The following DENND10 variants were observed in gnomAD, a reference collection of about 807,000 sequenced individuals.
DENND10 encodes DENN domain-containing protein 10.
A neutral mutation model predicts 43.6 loss-of-function variants in DENND10; 24 were observed. The observed-to-expected ratio is 0.55, with a 90% CI of 0.40 to 0.77. The LOEUF (loss-of-function observed/expected upper bound fraction) is 0.77. Among genes scored for constraint, DENND10 ranks in the 30% least tolerant of loss-of-function variants. The probability of loss-of-function intolerance (pLI) is 0.00; values close to 1 mark genes in which losing one functional copy is unlikely to be tolerated. For missense variants in DENND10, 303 were observed against 429.9 expected (o/e 0.70, Z 2.61); for synonymous variants, 125 against 157.6 (o/e 0.79, Z 1.55).
At chr10:119,107,888 C>T in intron 1 of DENND10, 80 bp from the exon 2 acceptor site, 1 of 1,304,842 alleles carries the variant, frequency 7.7e-7, no homozygotes, top group East Asian at 2.3e-5. Context: ...ACTGATTCCA[C>T]TAAGTGTTTC....
chr10:119,113,493 A>C (rs1845082099), intron 3 of DENND10, among the ~76,000 whole-genome samples: 1 of 109,776 alleles, frequency 9.1e-6, no homozygotes, highest in Non-Finnish European at 2.1e-5. Context: ...CACTGCACCT[A>C]GCCCTTTAAA....
At chr10:119,106,864 G>T (rs1359735481) in intron 1 of DENND10, among the ~76,000 whole-genome samples, 1 of 151,912 alleles carries the variant, frequency 6.6e-6, no homozygotes, top group African/African-American at 2.4e-5. Flanking sequence ...GACCAATGTG[G>T]AGAAACCAAA....
intron 1 of DENND10, chr10:119,105,437 C>A: frequency 1.4e-6 from 1 of 710,308 alleles, no homozygotes; most frequent in South Asian, 2.0e-5. Flanking sequence ...CAGGCGTGCA[C>A]CACCACCCGA....
intron 8 of DENND10, 29 bp from the exon 9 acceptor site, chr10:119,136,442 G>T (rs758530959): frequency 1.3e-6 from 2 of 1,584,108 alleles, no homozygotes; most frequent in East Asian, 4.5e-5. Flanking sequence ...ATACTAACAT[G>T]TTGCATATAT....
At position 119,137,839 on chromosome 10, in the gene DENND10, G is replaced by GA. The variant is rs1426778788; in HGVS notation, c.*1196dup. 1 of 165,706 alleles carries GA rather than the reference G, an allele frequency of 6.0e-6. No individual in the cohort carries two copies. Among genetic ancestry groups the GA allele is most frequent in the Non-Finnish European group, 1.5e-5 (1 of 67,854 alleles). The allele number at this position is 165,706 out of a possible 1,614,324, so 10.3% of individuals were successfully genotyped here. The stretch of plus-strand genomic sequence containing the variant: ...ACAATGTTTACTAAGGCAAATAATT[G>GA]AAAATTAAATCTGCACTTTATGGAA... On this transcript the variant is annotated 3_prime_UTR_variant, in exon 9 of 9. Transcript: ENST00000361432.
At chr10:119,135,818 C>CAAAAAAAAAAAAAAAAAAAAA (rs1174927246) in intron 8 of DENND10, among the ~76,000 whole-genome samples, 20 of 76,472 alleles carry the variant, frequency 2.6e-4, no homozygotes, top group South Asian at 4.8e-4. Context: ...AAAAAAAAAC[C>CAAAAAAAAAAAAAAAAAAAAA]AAAACCACAC....
chr10:119,120,501 C>G (rs780706956), intron 5 of DENND10, 49 bp downstream of exon 5: 1 of 1,154,090 alleles, frequency 8.7e-7, no homozygotes, highest in Non-Finnish European at 1.3e-6. Flanking sequence ...GCAGACAGTT[C>G]GCAGCACTAG....
At chr10:119,117,794 C>T (rs991952757) in intron 4 of DENND10, 127 bp downstream of exon 4, 8 of 865,948 alleles carry the variant, frequency 9.2e-6, no homozygotes, top group Non-Finnish European at 3.4e-6. Context: ...GGTGAAACCT[C>T]GTCTCCACTA....
intron 6 of DENND10, among the ~76,000 whole-genome samples, chr10:119,127,763 C>G (rs921735254): frequency 6.6e-6 from 1 of 152,072 alleles, no homozygotes; most frequent in African/African-American, 2.4e-5. Flanking sequence ...GCTAGGATTA[C>G]AGGCATGAGC....
intron 3 of DENND10, among the ~76,000 whole-genome samples, chr10:119,112,855 TG>T (rs1845043553): frequency 6.6e-6 from 1 of 150,660 alleles, no homozygotes. Context: ...TTATTTATTA[TG>T]TTTTTTTTTT....
chr10:119,113,690 C>A (rs1229125783), intron 3 of DENND10, among the ~76,000 whole-genome samples: 218 of 141,050 alleles, frequency 1.5e-3, no homozygotes, highest in Non-Finnish European at 1.8e-3. Context: ...CCAAAAGAAG[C>A]AAAAAAAAAA....
At position 119,136,897 on chromosome 10, in the gene DENND10, T is replaced by C; in HGVS notation, c.*250T>C. On this transcript the variant is annotated 3_prime_UTR_variant, in exon 9 of 9. Coordinates refer to ENST00000361432, the MANE Select transcript of DENND10 (RefSeq NM_207009.4). ...GTGCTATAACTACTTTATGTAACATTACAGAACAGCTAGAGGTCCTGGGGT... is the reference window on the plus strand; with the variant it reads ...GTGCTATAACTACTTTATGTAACATCACAGAACAGCTAGAGGTCCTGGGGT... 5.4e-6 allele frequency: 2 copies of C among 373,162 alleles called. No homozygotes were observed. The highest frequency in any genetic ancestry group is 9.3e-5 in the South Asian group (2 of 21,542). The allele number at this position is 373,162 out of a possible 1,614,324, so 23.1% of individuals were successfully genotyped here.
At chr10:119,125,506 T>C (rs899914826) in intron 6 of DENND10, among the ~76,000 whole-genome samples, 3 of 122,112 alleles carry the variant, frequency 2.5e-5, no homozygotes, top group Non-Finnish European at 4.8e-5. Context: ...GTTTTCTTTT[T>C]TTTTTTTTTT....
chr10:119,130,518 G>A (rs983493595), intron 7 of DENND10, among the ~76,000 whole-genome samples: 4 of 152,122 alleles, frequency 2.6e-5, no homozygotes, highest in South Asian at 2.1e-4. Context: ...GGCTGGTCTC[G>A]AATTCCTAGC....
rs769980448 is a variant in DENND10, at chr10:119,123,563, T to C, written c.688T>C (p.Cys230Arg). The change falls in exon 6 of 9, where the codon TGC becomes CGC. Residue 230 changes from cysteine (C) to arginine (R), a missense_variant. Cys to Arg is a radical substitution (Grantham distance 180). Transcript: ENST00000361432. Reference sequence around the variant, plus strand: ...CGATGAGCTGGAAGCCCTGCAGATGTGCACAGGTAGACAAGAGGATCCCAG... The same window carrying C: ...CGATGAGCTGGAAGCCCTGCAGATGCGCACAGGTAGACAAGAGGATCCCAG... ...NADELEALQM[C>R]TGYVAGFVDL... The C allele has an allele frequency of 1.2e-6, 2 of 1,608,918 alleles. No individual in the cohort carries two copies. The highest frequency in any genetic ancestry group is 3.3e-5 in the Admixed American group (2 of 59,916).
chr10:119,121,417 A>G (rs900114607), intron 5 of DENND10, among the ~76,000 whole-genome samples: 2 of 145,600 alleles, frequency 1.4e-5, no homozygotes, highest in South Asian at 2.2e-4. Flanking sequence ...GATTACAGAC[A>G]TGAACCACCA....
intron 6 of DENND10, among the ~76,000 whole-genome samples, chr10:119,126,771 A>AC (rs1554881762): frequency 2.7e-5 from 4 of 150,264 alleles, no homozygotes; most frequent in African/African-American, 9.8e-5. Context: ...AGCCGTCTGT[A>AC]TTTTTTTTTA....
chr10:119,114,671 C>G (rs1845158792), intron 3 of DENND10: 1 of 152,212 alleles, frequency 6.6e-6, no homozygotes, highest in Admixed American at 6.6e-5. Context: ...ATTTCCCCCT[C>G]TGTTTTATCT....
chr10:119,137,791 G>T lies in DENND10; in HGVS notation c.*1144G>T, dbSNP rs1470333495. On this transcript the variant is annotated 3_prime_UTR_variant, in exon 9 of 9. Coordinates refer to ENST00000361432, the MANE Select transcript of DENND10 (RefSeq NM_207009.4). ...AACACCCTCCCTTTTTTTTGAGTGA[G>T]GGCAGGGAGTACCTGAAATAAGACA... 1 of 165,444 alleles carries T rather than the reference G, an allele frequency of 6.0e-6. No homozygotes were observed. The highest frequency in any genetic ancestry group is 1.9e-4 in the East Asian group (1 of 5,164). The allele number at this position is 165,444 out of a possible 1,614,324, so 10.2% of individuals were successfully genotyped here.
Sources: gnomAD v4.1 joint callset for allele counts (sites outside exome capture counted in the v4.1 genomes callset) on GRCh38, gnomAD v4.1.1 for gene constraint, MANE v1.5 for transcripts, NCBI Gene and HGNC (gene_info 2026-07-23, HGNC 2026-07-21) for gene names.